Variants in RGS6 observed in about 807,000 individuals in gnomAD.
RGS6 encodes regulator of G protein signaling 6.
Under a neutral mutation model 78.5 loss-of-function variants are expected in RGS6, and 30 were observed. The ratio of observed to expected loss-of-function variants is 0.38; its 90% confidence interval spans 0.29 to 0.52. RGS6 has a LOEUF of 0.52. Among genes scored for constraint, RGS6 ranks in the 20% least tolerant of loss-of-function variants. RGS6 has a pLI of 0.85. For missense variants in RGS6, 495 were observed against 609.7 expected, an observed-to-expected ratio of 0.81 and a Z score of 1.98; for synonymous variants, 206 against 206.0, an observed-to-expected ratio of 1.00 and a Z score of 0.00.
At chr14:72,481,895 G>A (rs998592159) in intron 12 of RGS6, among the ~76,000 whole-genome samples, 9 of 143,134 alleles carry the variant, frequency 6.3e-5, no homozygotes, top group East Asian at 4.2e-4. Context: ...TGCAAGCTCC[G>A]CCTCCCGGGT....
At chr14:72,149,749 G>A (rs189988546) in intron 2 of RGS6, among the ~76,000 whole-genome samples, 56 of 152,234 alleles carry the variant, frequency 3.7e-4, no homozygotes, top group Admixed American at 1.0e-3. Flanking sequence ...GCCAATTTTG[G>A]GGTGTCTAGT....
At chr14:72,180,056 G>A (rs953373763) in intron 2 of RGS6, among the ~76,000 whole-genome samples, 1 of 152,160 alleles carries the variant, frequency 6.6e-6, no homozygotes, top group Non-Finnish European at 1.5e-5. Flanking sequence ...AGGATTAGAG[G>A]TGCAAAACTA....
intron 2 of RGS6, among the ~76,000 whole-genome samples, chr14:72,148,310 A>G (rs7153442): frequency 1.3e-5 from 2 of 151,658 alleles, no homozygotes; most frequent in East Asian, 3.9e-4. Flanking sequence ...GGGTGGGAAG[A>G]TCACTTGTGT....
At chr14:71,886,850 G>A in the RGS6 span, among the ~76,000 whole-genome samples, 1 of 152,126 alleles carries the variant, frequency 6.6e-6, no homozygotes, top group South Asian at 2.1e-4. Flanking sequence ...TAGTCTCGGG[G>A]ACACCTCAAT....
intron 3 of RGS6, among the ~76,000 whole-genome samples, chr14:72,371,857 TGA>T (rs1337623184): frequency 2.0e-5 from 3 of 152,228 alleles, no homozygotes; most frequent in Non-Finnish European, 4.4e-5. Flanking sequence ...CCGGGATCAC[TGA>T]CTCTTTTTTA....
chr14:71,942,047 T>A (rs1197567867), intron 1 of RGS6, among the ~76,000 whole-genome samples: 1 of 152,196 alleles, frequency 6.6e-6, no homozygotes, highest in African/African-American at 2.4e-5. Context: ...CAATATTAGT[T>A]TTCTCTTATG....
chr14:72,000,876 G>A (rs1383172417), intron 2 of RGS6, among the ~76,000 whole-genome samples: 1 of 152,176 alleles, frequency 6.6e-6, no homozygotes, highest in Non-Finnish European at 1.5e-5. Flanking sequence ...AAAGAGGAGA[G>A]AAAATGGGAG....
At chr14:72,034,310 A>G (rs193124845) in intron 2 of RGS6, among the ~76,000 whole-genome samples, 329 of 151,848 alleles carry the variant, frequency 2.2e-3, no homozygotes, top group African/African-American at 7.3e-3. Context: ...TGGGATTTTC[A>G]TATATGGTCT....
the RGS6 span, among the ~76,000 whole-genome samples, chr14:72,622,307 A>G: frequency 2.0e-5 from 3 of 152,342 alleles, no homozygotes; most frequent in African/African-American, 7.2e-5. Flanking sequence ...AGGCAGAGAA[A>G]AAAAGACTGA....
the RGS6 span, among the ~76,000 whole-genome samples, chr14:72,628,304 A>G: frequency 0.049 from 7,402 of 152,134 alleles, 382 homozygotes; most frequent in East Asian, 0.14. Flanking sequence ...ACTATTTTTA[A>G]TGTTTTTATC....
At chr14:72,488,272 C>T (rs2096525917) in intron 12 of RGS6, among the ~76,000 whole-genome samples, 1 of 152,206 alleles carries the variant, frequency 6.6e-6, no homozygotes, top group African/African-American at 2.4e-5. Context: ...CCACGTGTTC[C>T]TCTATAGCAT....
chr14:72,427,214 A>G (rs574189474), intron 3 of RGS6, among the ~76,000 whole-genome samples: 5 of 152,376 alleles, frequency 3.3e-5, no homozygotes, highest in African/African-American at 7.2e-5. Flanking sequence ...GAGAGACTAT[A>G]TAACTTTTAT....
At chr14:72,002,380 G>A (rs1208363503) in intron 2 of RGS6, among the ~76,000 whole-genome samples, 1 of 152,188 alleles carries the variant, frequency 6.6e-6, no homozygotes, top group Non-Finnish European at 1.5e-5. Context: ...GCTTTGAGTG[G>A]CATTTTAGAC....
At chr14:72,037,691 T>C (rs1596417537) in intron 2 of RGS6, among the ~76,000 whole-genome samples, 1 of 128,638 alleles carries the variant, frequency 7.8e-6, no homozygotes, top group Non-Finnish European at 1.8e-5. Context: ...AAAACTCAGT[T>C]GGTAAAACTG....
the RGS6 span, chr14:71,908,288 A>G: frequency 2.0e-5 from 3 of 152,252 alleles, no homozygotes; most frequent in Admixed American, 1.3e-4. Context: ...CAAAGCTTCA[A>G]GTGTGATGAA....
chr14:72,144,480 C>A (rs1238622391), intron 2 of RGS6, among the ~76,000 whole-genome samples: 1 of 152,200 alleles, frequency 6.6e-6, no homozygotes, highest in Non-Finnish European at 1.5e-5. Context: ...CCTTGAGGTT[C>A]AACTTTTTCT....
intron 5 of RGS6, among the ~76,000 whole-genome samples, chr14:72,458,779 C>T (rs1187573298): frequency 2.0e-5 from 3 of 152,180 alleles, no homozygotes; most frequent in African/African-American, 4.8e-5. Context: ...GCTATATCCC[C>T]ACATGGCAGA....
At chr14:72,616,915 T>C in the RGS6 span, among the ~76,000 whole-genome samples, 1 of 152,168 alleles carries the variant, frequency 6.6e-6, no homozygotes, top group Admixed American at 6.5e-5. Flanking sequence ...CTATCCCCGC[T>C]TTCCAGATGG....
chr14:72,506,984 TAAAAAAAAAAAAAAAA>T (rs71109738), intron 13 of RGS6, among the ~76,000 whole-genome samples: 1,430 of 54,448 alleles, frequency 0.026, 61 homozygotes, highest in East Asian at 0.11. Flanking sequence ...CTGTCTCTAC[TAAAAAAAAAAAAAAAA>T]AAAAAAAAAA....
Sources: gnomAD v4.1 joint callset for allele counts (sites outside exome capture counted in the v4.1 genomes callset) on GRCh38, gnomAD v4.1.1 for gene constraint, MANE v1.5 for transcripts, NCBI Gene and HGNC (gene_info 2026-07-23, HGNC 2026-07-21) for gene names.